Variants in NUP210L observed in about 807,000 individuals in gnomAD.
NUP210L encodes the protein nucleoporin 210 like.
In NUP210L, 74 loss-of-function variants were observed where a neutral mutation model predicts 208.5. The observed-to-expected ratio is 0.35, with a 90% confidence interval of 0.29 to 0.43. The LOEUF is 0.43. Among genes scored for constraint, NUP210L ranks in the 20% least tolerant of loss-of-function variants. The probability of loss-of-function intolerance (pLI) is 1.00; values close to 1 mark genes in which losing one functional copy is unlikely to be tolerated. For missense variants in NUP210L, 1,843 were observed against 2,289.4 expected, an observed-to-expected ratio of 0.81 and a Z score of 3.98; for synonymous variants, 780 against 816.9, an observed-to-expected ratio of 0.95 and a Z score of 0.77.
At chr1:154,122,696 T>C (rs781375308) in intron 10 of NUP210L, among the ~76,000 whole-genome samples, 71 of 152,050 alleles carry the variant, frequency 4.7e-4, no homozygotes, top group Non-Finnish European at 9.0e-4. Context: ...GACAAGGATG[T>C]GGAGAAATAG....
chr1:154,084,843 C>A (rs1655540613), intron 16 of NUP210L, among the ~76,000 whole-genome samples: 1 of 148,892 alleles, frequency 6.7e-6, no homozygotes, highest in Non-Finnish European at 1.5e-5. Flanking sequence ...AAAATATGTT[C>A]TCTAATCACA....
intron 2 of NUP210L, among the ~76,000 whole-genome samples, chr1:154,152,120 GAAAA>G (rs1274450268): frequency 1.4e-5 from 2 of 147,304 alleles, no homozygotes; most frequent in African/African-American, 5.0e-5. Flanking sequence ...AAGAAAGAAA[GAAAA>G]AATGAAAATC....
At chr1:154,143,201 C>CA (rs34172314) in intron 3 of NUP210L, among the ~76,000 whole-genome samples, 56,989 of 123,186 alleles carry the variant, frequency 0.46, 12,164 homozygotes, top group Non-Finnish European at 0.53. Context: ...TCCCCCTGCC[C>CA]AAAAAAAAAA....
intron 15 of NUP210L, among the ~76,000 whole-genome samples, chr1:154,092,719 A>G (rs1314186398): frequency 6.7e-6 from 1 of 148,978 alleles, no homozygotes; most frequent in African/African-American, 2.5e-5. Context: ...TAGAGTTTCT[A>G]TATGTTTTGT....
intron 6 of NUP210L, among the ~76,000 whole-genome samples, chr1:154,137,328 G>T (rs143104701): frequency 1.1e-3 from 175 of 152,202 alleles, no homozygotes; most frequent in African/African-American, 3.6e-3. Flanking sequence ...TGAGGCAGAT[G>T]GATCATGAGG....
chr1:154,126,074 T>C (rs1010171227), intron 10 of NUP210L, among the ~76,000 whole-genome samples: 1 of 151,942 alleles, frequency 6.6e-6, no homozygotes, highest in Non-Finnish European at 1.5e-5. Context: ...GGCCAAGAAA[T>C]GTTTTTAATG....
chr1:154,077,853 C>T (rs1477436365), intron 16 of NUP210L, among the ~76,000 whole-genome samples: 1 of 151,940 alleles, frequency 6.6e-6, no homozygotes, highest in African/African-American at 2.4e-5. Flanking sequence ...GTCATGGTGG[C>T]ATGCATCTGC....
At chr1:154,021,494 TAA>T (rs549683495) in intron 32 of NUP210L, among the ~76,000 whole-genome samples, 2 of 141,102 alleles carry the variant, frequency 1.4e-5, no homozygotes, top group African/African-American at 2.6e-5. Context: ...ACTCTGTCTC[TAA>T]AAAAAAAAAC....
At chr1:154,041,153 T>C (rs906369262) in intron 27 of NUP210L, among the ~76,000 whole-genome samples, 5 of 151,582 alleles carry the variant, frequency 3.3e-5, no homozygotes, top group Admixed American at 6.6e-5. Flanking sequence ...TTTTAACAGA[T>C]GGGGTCTCAT....
intron 14 of NUP210L, 98 bp downstream of exon 14, chr1:154,099,900 G>C: frequency 1.7e-6 from 2 of 1,199,368 alleles, no homozygotes; most frequent in Non-Finnish European, 1.2e-6. Flanking sequence ...AAATGTCATT[G>C]ATCCTTAGTG....
chr1:154,014,545 G>A (rs574388409), intron 33 of NUP210L, among the ~76,000 whole-genome samples: 27 of 152,142 alleles, frequency 1.8e-4, no homozygotes, highest in Admixed American at 6.6e-4. Flanking sequence ...TTGTATTGAA[G>A]TTGCCCTGAT....
chr1:154,135,733 A>T, intron 7 of NUP210L, 81 bp downstream of exon 7: 1 of 1,314,888 alleles, frequency 7.6e-7, no homozygotes, highest in Non-Finnish European at 1.1e-6. Flanking sequence ...AATCATTCTT[A>T]ATAAATTATT....
intron 16 of NUP210L, among the ~76,000 whole-genome samples, chr1:154,085,702 T>C (rs116710462): frequency 0.013 from 1,929 of 152,222 alleles, 39 homozygotes; most frequent in African/African-American, 0.043. Flanking sequence ...GCAAAATTCA[T>C]ACTTCCCAAC....
chr1:154,000,531 C>T (rs893019895), intron 37 of NUP210L, among the ~76,000 whole-genome samples: 5 of 152,184 alleles, frequency 3.3e-5, no homozygotes, highest in African/African-American at 4.8e-5. Flanking sequence ...AAGCACTGCA[C>T]TGTGATACCT....
At chr1:154,065,273 A>G (rs1166079335) in intron 17 of NUP210L, among the ~76,000 whole-genome samples, 1 of 151,868 alleles carries the variant, frequency 6.6e-6, no homozygotes, top group Non-Finnish European at 1.5e-5. Flanking sequence ...TTAAAAAATT[A>G]GCTGCTCTTG....
At chr1:154,113,157 T>TAA (rs561869829) in intron 12 of NUP210L, among the ~76,000 whole-genome samples, 1 of 125,086 alleles carries the variant, frequency 8.0e-6, no homozygotes, top group African/African-American at 2.7e-5. Context: ...AACCCTCTCT[T>TAA]AAAAAAAAAA....
chr1:154,029,270 T>TGGGAGAATGAGGC (rs1230771542), intron 28 of NUP210L, among the ~76,000 whole-genome samples: 2 of 145,780 alleles, frequency 1.4e-5, no homozygotes, highest in South Asian at 4.3e-4. Context: ...CCCAGCTACT[T>TGGGAGAATGAGGC]GGGAGAATGA....
At chr1:154,115,471 G>T (rs918570026) in intron 12 of NUP210L, among the ~76,000 whole-genome samples, 8 of 152,082 alleles carry the variant, frequency 5.3e-5, no homozygotes, top group Non-Finnish European at 8.8e-5. Flanking sequence ...TTTGACCTTT[G>T]GGCCTTACTT....
At chr1:154,089,777 T>C (rs1655811403) in intron 15 of NUP210L, among the ~76,000 whole-genome samples, 183 bp from the exon 16 acceptor site, 3 of 152,028 alleles carry the variant, frequency 2.0e-5, no homozygotes, top group Admixed American at 6.6e-5. Flanking sequence ...ATTAATAATA[T>C]CATGAAAATT....
Sources: allele counts gnomAD v4.1 joint callset (sites outside exome capture counted in the v4.1 genomes callset), GRCh38; gene constraint gnomAD v4.1.1; transcripts MANE v1.5; gene names NCBI Gene and HGNC (gene_info 2026-07-23, HGNC 2026-07-21).